The following STPG2 variants were observed in gnomAD, a reference collection of about 807,000 sequenced individuals.
STPG2 encodes the protein sperm-tail PG-rich repeat-containing protein 2.
Under a neutral mutation model 54.2 loss-of-function variants are expected in STPG2, and 56 were observed. The ratio of observed to expected loss-of-function variants is 1.03; its 90% CI spans 0.83 to 1.29. The LOEUF (loss-of-function observed/expected upper bound fraction) is 1.29, where lower values mean the gene tolerates loss of function less well. Ranked by LOEUF, STPG2 falls within the 50% of genes most tolerant of loss-of-function variation. The probability of loss-of-function intolerance (pLI) is 0.00; values close to 1 mark genes in which losing one functional copy is unlikely to be tolerated. For missense variants in STPG2, 596 were observed against 544.9 expected, an observed-to-expected ratio of 1.09 and a Z score of -0.93; for synonymous variants, 200 against 181.8, an observed-to-expected ratio of 1.10 and a Z score of -0.81.
At chr4:97,889,360 C>T (rs906887793) in intron 8 of STPG2, among the ~76,000 whole-genome samples, 1 of 152,178 alleles carries the variant, frequency 6.6e-6, no homozygotes, top group Non-Finnish European at 1.5e-5. Flanking sequence ...GATGAGATAA[C>T]TATATTCCCA....
At chr4:97,643,442 T>A (rs897765130) in intron 10 of STPG2, among the ~76,000 whole-genome samples, 2 of 144,892 alleles carry the variant, frequency 1.4e-5, no homozygotes, top group African/African-American at 5.8e-5. Context: ...CCTAAGTAGT[T>A]TAAGTACAGC....
Position 98,128,737 on chromosome 4 carries a change from T to A in STPG2, c.223-145A>T. The A allele has an allele frequency of 1.3e-5, 9 of 706,494 alleles. No homozygotes were observed. In the South Asian group the frequency reaches 2.2e-4, roughly 17 times the overall value. The allele number at this position is 706,494 out of a possible 1,614,324, so 43.8% of individuals were successfully genotyped here. ...TAAAACAAAAATGTTTGTTTTGTTA[T>A]TGTTTTTTTTGAGATAGGGTCTCAC... On this transcript the variant is annotated intron_variant, in intron 2 of 10. Coordinates refer to ENST00000295268, the MANE Select transcript of STPG2 (RefSeq NM_174952.3).
chr4:97,868,195 T>A (rs932902074), intron 8 of STPG2, among the ~76,000 whole-genome samples: 10 of 151,984 alleles, frequency 6.6e-5, no homozygotes, highest in Admixed American at 1.3e-4. Context: ...CTTTAGCCAT[T>A]TAAAAATATT....
chr4:97,804,610 A>G (rs781484827), intron 9 of STPG2, among the ~76,000 whole-genome samples: 17 of 152,174 alleles, frequency 1.1e-4, no homozygotes, highest in Non-Finnish European at 2.2e-4. Context: ...GGAGTAGAAA[A>G]GTTAGAGTAG....
At chr4:97,762,035 CA>C (rs1363800662) in intron 9 of STPG2, among the ~76,000 whole-genome samples, 1 of 152,082 alleles carries the variant, frequency 6.6e-6, no homozygotes, top group Non-Finnish European at 1.5e-5. Flanking sequence ...AAATCTATGC[CA>C]GCTCAGTGTC....
At chr4:97,922,395 T>C (rs1732143127) in intron 8 of STPG2, among the ~76,000 whole-genome samples, 2 of 152,230 alleles carry the variant, frequency 1.3e-5, no homozygotes, top group South Asian at 4.1e-4. Flanking sequence ...TAACAGAATA[T>C]TTAGATGGCC....
intron 8 of STPG2, among the ~76,000 whole-genome samples, chr4:97,937,876 C>G (rs892895072): frequency 6.6e-6 from 1 of 152,160 alleles, no homozygotes; most frequent in Non-Finnish European, 1.5e-5. Context: ...GGCGCAGGAA[C>G]CAAGACCCAT....
chr4:97,587,692 T>C (rs2148895742), intron 10 of STPG2, among the ~76,000 whole-genome samples: 1 of 152,116 alleles, frequency 6.6e-6, no homozygotes, highest in East Asian at 1.9e-4. Flanking sequence ...ATGTCTTAAA[T>C]TTCTGTTTCA....
At chr4:97,474,443 G>T (rs1361588938) in intron 4 of STPG2, among the ~76,000 whole-genome samples, 1 of 152,118 alleles carries the variant, frequency 6.6e-6, no homozygotes, top group African/African-American at 2.4e-5. Context: ...GTATTATGTA[G>T]AATTGCCAGC....
At chr4:97,778,755 G>A (rs562835050) in intron 9 of STPG2, among the ~76,000 whole-genome samples, 1 of 152,284 alleles carries the variant, frequency 6.6e-6, no homozygotes, top group Admixed American at 6.5e-5. Context: ...CAATCGGGCA[G>A]CAACATTTGC....
At chr4:98,028,618 T>G (rs2149298001) in intron 5 of STPG2, among the ~76,000 whole-genome samples, 1 of 152,326 alleles carries the variant, frequency 6.6e-6, no homozygotes, top group African/African-American at 2.4e-5. Flanking sequence ...TAGTTTTATT[T>G]TCTTATAGTA....
At position 97,935,498 on chromosome 4, in the gene STPG2, G is replaced by A. The variant is rs186083026; in HGVS notation, c.1044+8399C>T. ...AGGGTGTTGATTTGAGATCTTTCTA[G>A]CTTTCTGATGTGGGCACTTAGTGCT... On this transcript the variant is annotated intron_variant, in intron 8 of 10. Coordinates refer to ENST00000295268, the MANE Select transcript of STPG2 (RefSeq NM_174952.3). 3.7e-3 allele frequency among the ~76,000 whole-genome samples: 561 copies of A among 152,228 alleles called. 7 individuals are homozygous for A. The highest frequency in any genetic ancestry group is 5.2e-3 in the Non-Finnish European group (356 of 68,004).
chr4:97,569,871 GA>G (rs1732554943), intron 10 of STPG2, among the ~76,000 whole-genome samples: 2 of 151,928 alleles, frequency 1.3e-5, no homozygotes, highest in Non-Finnish European at 2.9e-5. Context: ...TGGAGAAAAT[GA>G]GCAAAATTTT....
intron 9 of STPG2, among the ~76,000 whole-genome samples, chr4:97,832,019 T>C (rs889088230): frequency 6.6e-6 from 1 of 152,186 alleles, no homozygotes; most frequent in African/African-American, 2.4e-5. Context: ...ACTCATTTAT[T>C]GAGGCCAGAA....
At position 97,467,662 on chromosome 4, in the gene STPG2, A is replaced by G. The variant is rs190782499; in HGVS notation, c.462+245037T>C. 3.6e-4 allele frequency among the ~76,000 whole-genome samples: 55 copies of G among 152,070 alleles called. No homozygotes were observed. In the East Asian group the frequency reaches 0.01, roughly 29 times the overall value. On this transcript the variant is annotated intron_variant, in intron 4 of 4. Transcript: ENST00000522676. ...AAATGGAGAAAAAACCATTATGAGA[A>G]AGTAGGCAAATAGGCTAAAAATTTA...
chr4:97,984,247 G>C (rs1392669800), intron 5 of STPG2, among the ~76,000 whole-genome samples: 1 of 152,126 alleles, frequency 6.6e-6, no homozygotes, highest in Non-Finnish European at 1.5e-5. Flanking sequence ...TGGGTTCAGA[G>C]GATTCTCGTG....
intron 10 of STPG2, among the ~76,000 whole-genome samples, chr4:97,569,664 T>C (rs1170775843): frequency 1.3e-5 from 2 of 152,270 alleles, no homozygotes; most frequent in Admixed American, 6.5e-5. Flanking sequence ...AAATAGCTAA[T>C]AATATAATTG....
At chr4:97,847,464 C>T (rs368550603) in intron 8 of STPG2, among the ~76,000 whole-genome samples, 1 of 152,082 alleles carries the variant, frequency 6.6e-6, no homozygotes. Context: ...CCATCTTCTC[C>T]TGGCACACTG....
At chr4:97,873,573 T>C (rs1019446407) in intron 8 of STPG2, among the ~76,000 whole-genome samples, 2 of 148,754 alleles carry the variant, frequency 1.3e-5, no homozygotes, top group Non-Finnish European at 3.0e-5. Flanking sequence ...TGTTGTACAA[T>C]CCTAAAAAAT....
Sources: allele counts gnomAD v4.1 joint callset (sites outside exome capture counted in the v4.1 genomes callset), GRCh38; gene constraint gnomAD v4.1.1; transcripts MANE v1.5; gene names NCBI Gene and HGNC (gene_info 2026-07-23, HGNC 2026-07-21).